Variants in ODF2 observed in about 807,000 individuals in gnomAD.
ODF2 encodes outer dense fiber protein 2.
A neutral mutation model predicts 110.2 loss-of-function variants in ODF2; 47 were observed. That is an observed-to-expected ratio of 0.43 (90% CI 0.34 to 0.54). ODF2 has a LOEUF of 0.54. Ranked by LOEUF, ODF2 falls within the 20% of genes least tolerant of loss-of-function variation. The pLI is 0.03. For synonymous variants in ODF2, 352 were observed against 397.7 expected (o/e 0.89, Z 1.37); for missense variants, 812 against 1,054.5 (o/e 0.77, Z 3.19).
At chr9:128,464,539 G>T (rs562264782) in intron 4 of ODF2, among the ~76,000 whole-genome samples, 3 of 151,356 alleles carry the variant, frequency 2.0e-5, no homozygotes, top group South Asian at 2.1e-4. Context: ...TTGTTCTGTT[G>T]CCCAGGCTAG....
intron 3 of ODF2, chr9:128,460,122 A>G: frequency 1.5e-6 from 2 of 1,294,212 alleles, no homozygotes; most frequent in South Asian, 2.5e-5. Context: ...CACCCTGAGC[A>G]TTTTGTGTGT....
At position 128,494,913 on chromosome 9, in the gene ODF2, GC is replaced by G; in HGVS notation, c.1911+250del. On this transcript the variant is annotated intron_variant, in intron 17 of 20. Transcript: ENST00000604420. The surrounding 1 kb of genome is among the most constrained non-coding windows in gnomAD (Gnocchi z 4.6). ...GGAGTCACTGGGCCCTCCTGCTGTT[GC>G]CCCCACCCAAGACTGCTGCCTCTGC... 7.6e-7 allele frequency: 1 copy of G among 1,313,652 alleles called. No individual in the cohort carries two copies. Among genetic ancestry groups the G allele is most frequent in the South Asian group, 1.5e-5 (1 of 65,226 alleles). The allele number at this position is 1,313,652 out of a possible 1,614,324, so 81.4% of individuals were successfully genotyped here. A position where few individuals can be genotyped will look rare whatever the true frequency, so the allele number is the denominator to read the frequency against.
chr9:128,496,118 T>G, exon 18 of ODF2: 1 of 1,613,720 alleles, frequency 6.2e-7, no homozygotes, highest in Non-Finnish European at 8.5e-7. Flanking sequence ...AACAGCTGAG[T>G]CTGAAGGTGG....
At chr9:128,486,687 G>T (rs573620942) in intron 13 of ODF2, among the ~76,000 whole-genome samples, 4 of 152,312 alleles carry the variant, frequency 2.6e-5, no homozygotes, top group African/African-American at 9.6e-5. Flanking sequence ...AGAAGGGACT[G>T]GGGGTGGGGC....
chr9:128,455,903 C>A (rs1834655655), upstream of ODF2: 4 of 1,312,686 alleles, frequency 3.0e-6, no homozygotes, highest in Non-Finnish European at 4.0e-6. Flanking sequence ...CAGGGCCGAG[C>A]GGGAAAGGCC....
At chr9:128,479,242 A>G (rs1841961245) in intron 8 of ODF2, among the ~76,000 whole-genome samples, 1 of 152,158 alleles carries the variant, frequency 6.6e-6, no homozygotes, top group African/African-American at 2.4e-5. Context: ...TGAGAGGGAA[A>G]GAGGGTGAAC....
chr9:128,482,931 C>G (rs1193635396), intron 10 of ODF2, 44 bp downstream of exon 10: 2 of 1,501,340 alleles, frequency 1.3e-6, no homozygotes, highest in Non-Finnish European at 9.0e-7. Flanking sequence ...GAGTCTCGCT[C>G]TGTCGCCAGG....
intron 10 of ODF2, among the ~76,000 whole-genome samples, chr9:128,483,449 G>A (rs954483044): frequency 6.6e-6 from 1 of 151,916 alleles, no homozygotes; most frequent in African/African-American, 2.4e-5. Context: ...CAGGTGTGGT[G>A]GCATGCACCT....
At chr9:128,458,268 C>CA (rs1835465807) in intron 2 of ODF2, among the ~76,000 whole-genome samples, 1 of 152,066 alleles carries the variant, frequency 6.6e-6, no homozygotes, top group African/African-American at 2.4e-5. Context: ...GCCTGACCAA[C>CA]ATGGTGAAAC....
At chr9:128,480,323 T>C (rs748857347) in intron 8 of ODF2, among the ~76,000 whole-genome samples, 2 of 152,242 alleles carry the variant, frequency 1.3e-5, no homozygotes, top group Non-Finnish European at 2.9e-5. Flanking sequence ...TTGATACCCA[T>C]ATACATTGTA....
intron 18 of ODF2, 26 bp from the exon 19 acceptor site, chr9:128,498,387 G>A (rs1330764070): frequency 6.5e-7 from 1 of 1,545,624 alleles, no homozygotes; most frequent in East Asian, 2.4e-5. Context: ...GGTATGCCCA[G>A]GATCTGATTG....
At position 128,494,298 on chromosome 9, in the gene ODF2, G is replaced by T. The variant is rs1248317545; in HGVS notation, c.1753-212G>T. On this transcript the variant is annotated intron_variant, in intron 16 of 20. Coordinates refer to ENST00000604420, the Ensembl canonical transcript of ODF2. This position sits in a 1 kb window ranked among gnomAD's most constrained non-coding sequence, Gnocchi z 4.6. Reference sequence around the variant, plus strand: ...TGGTGTTTACTGTGTGGTTGCCATTGTTACGGGATAACTAAATGAATGGCA... The same window carrying T: ...TGGTGTTTACTGTGTGGTTGCCATTTTTACGGGATAACTAAATGAATGGCA... Among the ~76,000 whole-genome samples the T allele has an allele frequency of 1.3e-5, 2 of 152,210 alleles. No individual in the cohort carries two copies. Among genetic ancestry groups the T allele is most frequent in the African/African-American group, 2.4e-5 (1 of 41,460 alleles).
At position 128,483,018 on chromosome 9, in the gene ODF2, C is replaced by T. The variant is rs1216758846; in HGVS notation, c.987+131C>T. Reference sequence around the variant, plus strand: ...TTGAGTGATTCTCCTGCCTCAGCCTCCCGAGTAGCTGGGACTACAGGCGTG... The same window carrying T: ...TTGAGTGATTCTCCTGCCTCAGCCTTCCGAGTAGCTGGGACTACAGGCGTG... On this transcript the variant is annotated intron_variant, in intron 10 of 20. Transcript: ENST00000604420. 1.3e-5 allele frequency: 9 copies of T among 688,280 alleles called. No individual in the cohort carries two copies. The East Asian group carries it at 2.5e-4, about 19-fold the overall frequency. The allele number at this position is 688,280 out of a possible 1,614,324, so 42.6% of individuals were successfully genotyped here. A position where few individuals can be genotyped will look rare whatever the true frequency, so the allele number is the denominator to read the frequency against.
At position 128,484,687 on chromosome 9, in the gene ODF2, C is replaced by G. The variant is rs745686601; in HGVS notation, c.1105-14C>G. ...TCTCTTCTCCCTCTCTTTCTCACCC[C>G]TTCCCCCTTCCAGAATCTGGAGCGC... is the stretch of plus-strand genomic sequence containing the variant. On this transcript the variant is annotated splice_polypyrimidine_tract_variant and intron_variant, in intron 11 of 20. Coordinates refer to ENST00000604420, the Ensembl canonical transcript of ODF2. 7 of 1,553,342 alleles carry G rather than the reference C, an allele frequency of 4.5e-6. No individual in the cohort carries two copies. The African/African-American group carries it at 9.6e-5, about 21-fold the overall frequency.
At position 128,500,126 on chromosome 9, in the gene ODF2, G is replaced by C. The variant is rs771443145; in HGVS notation, c.2361G>C (p.Glu787Asp). 4 of 1,614,262 alleles carry C rather than the reference G, an allele frequency of 2.5e-6. No individual in the cohort carries two copies. In the South Asian group the frequency reaches 3.3e-5, roughly 13 times the overall value. The stretch of plus-strand genomic sequence containing the variant: ...TGAAAGATCGCCTGGAGCAGTCCGA[G>C]AGCACCAACCGCAGCATGCAGAACT... Residue 787 changes from glutamate to aspartate, a missense_variant, in exon 21 of 21, where the codon GAG becomes GAC. Physicochemically the swap from Glu to Asp is conservative, Grantham distance 45. Transcript: ENST00000604420.
intron 4 of ODF2, among the ~76,000 whole-genome samples, chr9:128,462,500 T>C (rs1300029186): frequency 1.3e-5 from 2 of 152,146 alleles, no homozygotes; most frequent in East Asian, 1.9e-4. Context: ...TCAGCTGTTC[T>C]GGAGTCAGTT....
intron 2 of ODF2, among the ~76,000 whole-genome samples, chr9:128,458,829 G>GA (rs201165961): frequency 0.01 from 1,523 of 152,022 alleles, 20 homozygotes; most frequent in African/African-American, 0.034. Context: ...AATGCTCTTT[G>GA]AAAAAATTTT....
chr9:128,488,187 G>A (rs1271686825), intron 14 of ODF2, among the ~76,000 whole-genome samples, 162 bp downstream of exon 14: 1 of 152,168 alleles, frequency 6.6e-6, no homozygotes. Context: ...CAACACTTTG[G>A]GAGGCCAAGG....
At chr9:128,484,097 C>T in intron 11 of ODF2, 43 bp downstream of exon 11, 2 of 1,429,694 alleles carry the variant, frequency 1.4e-6, no homozygotes, top group Non-Finnish European at 2.0e-6. Context: ...AGGCAAGGGC[C>T]TGCCAATTTG....
Sources: gnomAD v4.1 joint callset for allele counts (sites outside exome capture counted in the v4.1 genomes callset) on GRCh38, gnomAD v4.1.1 for gene constraint, Gnocchi (gnomAD v3.1) non-coding constraint, MANE v1.5 for transcripts, NCBI Gene and HGNC (gene_info 2026-07-23, HGNC 2026-07-21) for gene names.